Variants in ABI1 observed in about 807,000 individuals in gnomAD.
The protein encoded by ABI1 is abl interactor 1.
A neutral mutation model predicts 54.6 loss-of-function variants in ABI1; 14 were observed. That is an observed-to-expected ratio of 0.26 (90% CI 0.17 to 0.40). The LOEUF (loss-of-function observed/expected upper bound fraction) is 0.40, where lower values mean the gene tolerates loss of function less well. Among genes scored for constraint, ABI1 ranks in the 10% least tolerant of loss-of-function variants. The pLI is 1.00. For missense variants in ABI1, 443 were observed against 598.3 expected (o/e 0.74, Z 2.71); for synonymous variants, 194 against 209.3 (o/e 0.93, Z 0.63).
chr10:26,749,650 G>A (rs1837364119), intron 10 of ABI1, among the ~76,000 whole-genome samples: 1 of 152,168 alleles, frequency 6.6e-6, no homozygotes, highest in African/African-American at 2.4e-5. Context: ...TTGAATTTGG[G>A]ACTTTCAGAT....
At chr10:26,775,642 C>T (rs1268382737) in intron 3 of ABI1, among the ~76,000 whole-genome samples, 1 of 152,066 alleles carries the variant, frequency 6.6e-6, no homozygotes, top group Non-Finnish European at 1.5e-5. Flanking sequence ...ATTTTCTCAC[C>T]CAAAACTTCC....
chr10:26,803,390 G>T (rs1234293988), intron 2 of ABI1, among the ~76,000 whole-genome samples: 1 of 152,158 alleles, frequency 6.6e-6, no homozygotes, highest in Non-Finnish European at 1.5e-5. Flanking sequence ...CAGGTACAGG[G>T]ATTTTTTAAT....
At chr10:26,790,992 G>A (rs1843352282) in intron 2 of ABI1, among the ~76,000 whole-genome samples, 1 of 142,816 alleles carries the variant, frequency 7.0e-6, no homozygotes, top group African/African-American at 2.6e-5. Context: ...GATCACCTGA[G>A]CCCAAGAGGT....
At chr10:26,800,970 C>T (rs957873242) in intron 2 of ABI1, among the ~76,000 whole-genome samples, 2 of 152,228 alleles carry the variant, frequency 1.3e-5, no homozygotes, top group African/African-American at 4.8e-5. Context: ...TGTGCCATTG[C>T]ACTCCAGCCT....
At chr10:26,776,872 C>A in intron 3 of ABI1, 193 bp downstream of exon 3, 3 of 449,322 alleles carry the variant, frequency 6.7e-6, no homozygotes, top group Non-Finnish European at 1.2e-5. Flanking sequence ...ATTTTAATAT[C>A]TTTTTAATAC....
chr10:26,848,200 CAAAAAAAAAA>C (rs149066426), intron 1 of ABI1, among the ~76,000 whole-genome samples: 7 of 78,674 alleles, frequency 8.9e-5, no homozygotes, highest in African/African-American at 3.4e-4. Context: ...GACCCTGTCT[CAAAAAAAAAA>C]AAAAAAAAAA....
At chr10:26,781,559 T>C (rs1230210743) in intron 2 of ABI1, among the ~76,000 whole-genome samples, 1 of 152,156 alleles carries the variant, frequency 6.6e-6, no homozygotes, top group Non-Finnish European at 1.5e-5. Flanking sequence ...TGAAAATGGG[T>C]GTGGTTGCTT....
chr10:26,757,998 G>T (rs950028185), intron 8 of ABI1, among the ~76,000 whole-genome samples: 1 of 150,064 alleles, frequency 6.7e-6, no homozygotes, highest in African/African-American at 2.5e-5. Flanking sequence ...ATCCTGGGAG[G>T]GTGAGGTTGC....
intron 1 of ABI1, among the ~76,000 whole-genome samples, chr10:26,843,712 T>A (rs1313411920): frequency 6.7e-6 from 1 of 148,990 alleles, no homozygotes; most frequent in East Asian, 2.0e-4. Flanking sequence ...TCTTCTTCTT[T>A]GTGGTAGTGG....
intron 1 of ABI1, among the ~76,000 whole-genome samples, chr10:26,856,591 C>G (rs1295157488): frequency 1.5e-4 from 23 of 152,070 alleles, no homozygotes; most frequent in East Asian, 1.9e-4. Flanking sequence ...GCAAATGTCA[C>G]AGGAGGAGGA....
At chr10:26,817,945 C>T (rs1035607647) in intron 2 of ABI1, among the ~76,000 whole-genome samples, 2 of 151,132 alleles carry the variant, frequency 1.3e-5, no homozygotes, top group African/African-American at 4.9e-5. Context: ...CACTTGAGGT[C>T]AGGAGTTTGA....
chr10:26,844,628 TA>T (rs1319272982), intron 1 of ABI1, among the ~76,000 whole-genome samples: 1 of 152,100 alleles, frequency 6.6e-6, no homozygotes, highest in African/African-American at 2.4e-5. Flanking sequence ...TGTGGAGGAG[TA>T]AAAGCTGGAA....
chr10:26,848,828 C>G (rs1056185450), intron 1 of ABI1, among the ~76,000 whole-genome samples: 1 of 151,982 alleles, frequency 6.6e-6, no homozygotes, highest in Non-Finnish European at 1.5e-5. Flanking sequence ...AGGCTGGTCT[C>G]GAACTCCTGA....
At position 26,746,610 on chromosome 10, in the gene ABI1, AT is replaced by A. The variant is rs67302665; in HGVS notation, c.*1959del. The A allele has an allele frequency of 2.2e-3, 1,947 of 869,248 alleles. 3 individuals carry two copies. The highest frequency in any genetic ancestry group is 0.014 in the African/African-American group (796 of 58,138). 53.8% of individuals were successfully genotyped at this position (869,248 alleles called of 1,614,324 possible). ...TATCAAACTTATTGATGGGCAATTT[AT>A]TTTTTTTTATTGCAAAAGTTTTTTC... On this transcript the variant is annotated 3_prime_UTR_variant, in exon 11 of 11. Transcript: ENST00000376140.
rs970314935 is a variant in ABI1, at chr10:26,747,397, G to A, written c.*1173C>T. On this transcript the variant is annotated 3_prime_UTR_variant, in exon 11 of 11. Coordinates refer to ENST00000376140, the MANE Select transcript of ABI1 (RefSeq NM_001012750.3). ...TTGGTTAGGTAAATCTCTGTTCACTGATTAATACATGACCCACCTTCTTTC... is the reference window on the plus strand; with the variant it reads ...TTGGTTAGGTAAATCTCTGTTCACTAATTAATACATGACCCACCTTCTTTC... The A allele has an allele frequency of 2.2e-5, 5 of 223,710 alleles. No homozygotes were observed. The highest frequency in any genetic ancestry group is 3.6e-5 in the Non-Finnish European group (4 of 112,074). 13.9% of individuals were successfully genotyped at this position (223,710 alleles called of 1,614,324 possible).
intron 2 of ABI1, among the ~76,000 whole-genome samples, chr10:26,801,526 G>A (rs1323591011): frequency 6.6e-6 from 1 of 151,408 alleles, no homozygotes; most frequent in African/African-American, 2.4e-5. Context: ...CAGCCTAGGC[G>A]ATAGGACCAG....
At chr10:26,775,573 T>G (rs1841293755) in intron 3 of ABI1, among the ~76,000 whole-genome samples, 1 of 152,176 alleles carries the variant, frequency 6.6e-6, no homozygotes. Flanking sequence ...TTCATATACT[T>G]TCAGCATATA....
intron 2 of ABI1, among the ~76,000 whole-genome samples, chr10:26,798,364 C>A (rs1192044376): frequency 1.3e-5 from 2 of 151,906 alleles, no homozygotes; most frequent in African/African-American, 4.8e-5. Context: ...AGAGGGAGGC[C>A]AGAGGGTCAG....
chr10:26,778,633 A>G (rs1212727367), intron 2 of ABI1, among the ~76,000 whole-genome samples: 5 of 152,292 alleles, frequency 3.3e-5, no homozygotes, highest in African/African-American at 1.2e-4. Flanking sequence ...ATGCTATCCC[A>G]ATTCCAAACC....
Sources: gnomAD v4.1 joint callset for allele counts (sites outside exome capture counted in the v4.1 genomes callset) on GRCh38, gnomAD v4.1.1 for gene constraint, MANE v1.5 for transcripts, NCBI Gene and HGNC (gene_info 2026-07-23, HGNC 2026-07-21) for gene names.